The following MDGA2 variants were observed in gnomAD, a reference collection of about 807,000 sequenced individuals.
MDGA2 encodes MAM domain containing glycosylphosphatidylinositol anchor 2.
In MDGA2, 40 loss-of-function variants were observed where a neutral mutation model predicts 117.8. The ratio of observed to expected loss-of-function variants is 0.34; its 90% CI spans 0.26 to 0.44. The LOEUF (loss-of-function observed/expected upper bound fraction) is 0.44. Among genes scored for constraint, MDGA2 ranks in the 20% least tolerant of loss-of-function variants. The probability of loss-of-function intolerance (pLI) is 1.00; values close to 1 mark genes in which losing one functional copy is unlikely to be tolerated. For synonymous variants in MDGA2, 452 were observed against 439.0 expected (o/e 1.03, Z -0.37); for missense variants, 1,123 against 1,250.6 (o/e 0.90, Z 1.54).
chr14:47,171,450 C>G (rs1186936487), intron 3 of MDGA2, among the ~76,000 whole-genome samples: 3 of 152,072 alleles, frequency 2.0e-5, no homozygotes, highest in Non-Finnish European at 4.4e-5. Context: ...AAAAACTAAC[C>G]AAGGAAGAGG....
intron 8 of MDGA2, among the ~76,000 whole-genome samples, chr14:46,997,832 T>G (rs961062562): frequency 2.6e-5 from 4 of 152,174 alleles, no homozygotes; most frequent in Non-Finnish European, 2.9e-5. Flanking sequence ...ATAAAATGTT[T>G]GTTAAATTTA....
chr14:46,960,949 TACACAC>T (rs57182570), intron 8 of MDGA2, among the ~76,000 whole-genome samples: 29,044 of 147,764 alleles, frequency 0.2, 3,225 homozygotes, highest in African/African-American at 0.3. Flanking sequence ...TATATATATA[TACACAC>T]ACACACACAC....
rs915540503 is a variant in MDGA2 at position 47,496,253 on chromosome 14, T to C, written c.280+178264A>G. On this transcript the variant is annotated intron_variant, in intron 1 of 16. Coordinates refer to ENST00000399232, the MANE Select transcript of MDGA2 (RefSeq NM_001113498.3). The stretch of plus-strand genomic sequence containing the variant: ...ATCCATATGCTTACAAAATTTTATT[T>C]ATTTTTACAGACAGAGTTTCATGCT... Among the ~76,000 whole-genome samples, 2 of 152,164 alleles carry C rather than the reference T, an allele frequency of 1.3e-5. 1 individual carries two copies. The highest frequency in any genetic ancestry group is 1.3e-4 in the Admixed American group (2 of 15,266).
At chr14:47,171,345 T>G (rs1884124494) in intron 3 of MDGA2, among the ~76,000 whole-genome samples, 1 of 152,116 alleles carries the variant, frequency 6.6e-6, no homozygotes, top group African/African-American at 2.4e-5. Flanking sequence ...TAACTGAATA[T>G]GCCATAAAAA....
chr14:47,224,992 T>C (rs1056537689), intron 2 of MDGA2, among the ~76,000 whole-genome samples: 1 of 152,206 alleles, frequency 6.6e-6, no homozygotes, highest in Admixed American at 6.5e-5. Context: ...TCTACAATAA[T>C]TATAGCAATA....
chr14:47,584,052 C>G (rs1896276996), intron 1 of MDGA2, among the ~76,000 whole-genome samples: 1 of 151,746 alleles, frequency 6.6e-6, no homozygotes, highest in Non-Finnish European at 1.5e-5. Context: ...AGTTATCCCT[C>G]TGATGACAAT....
chr14:46,866,273 G>C (rs978485070), intron 14 of MDGA2, among the ~76,000 whole-genome samples: 10 of 151,942 alleles, frequency 6.6e-5, no homozygotes, highest in African/African-American at 1.2e-4. Context: ...ACAAACCTGA[G>C]AAAAACAAGC....
intron 8 of MDGA2, among the ~76,000 whole-genome samples, chr14:47,007,092 G>C (rs927764237): frequency 4.0e-5 from 6 of 151,698 alleles, no homozygotes; most frequent in African/African-American, 1.5e-4. Flanking sequence ...CATCCATGGA[G>C]GATACATTGA....
chr14:46,937,974 T>A (rs1453234618), intron 9 of MDGA2, among the ~76,000 whole-genome samples: 1 of 152,030 alleles, frequency 6.6e-6, no homozygotes, highest in African/African-American at 2.4e-5. Flanking sequence ...ACCAAAAAGC[T>A]TGTGAACATC....
chr14:47,628,248 T>C (rs1375565248), intron 1 of MDGA2, among the ~76,000 whole-genome samples: 1 of 152,222 alleles, frequency 6.6e-6, no homozygotes, highest in Admixed American at 6.5e-5. Context: ...TTGCATGGCA[T>C]ATTTTGCTTT....
intron 2 of MDGA2, among the ~76,000 whole-genome samples, chr14:47,278,793 C>A (rs902565851): frequency 1.3e-5 from 2 of 152,004 alleles, no homozygotes; most frequent in Admixed American, 6.6e-5. Context: ...ATCCCCTGTC[C>A]CCTACATTAT....
intron 1 of MDGA2, among the ~76,000 whole-genome samples, chr14:47,455,932 G>A (rs1298142774): frequency 6.6e-6 from 1 of 152,048 alleles, no homozygotes; most frequent in Non-Finnish European, 1.5e-5. Context: ...GGGAAGTGGA[G>A]GCTGCAGTGA....
At chr14:47,368,812 T>A (rs2416057) in intron 1 of MDGA2, among the ~76,000 whole-genome samples, 1 of 152,094 alleles carries the variant, frequency 6.6e-6, no homozygotes, top group Non-Finnish European at 1.5e-5. Flanking sequence ...AACATATGCT[T>A]GGAGAAAAGT....
chr14:46,981,761 T>A (rs1047810449), intron 8 of MDGA2, among the ~76,000 whole-genome samples: 2 of 152,082 alleles, frequency 1.3e-5, no homozygotes, highest in Non-Finnish European at 2.9e-5. Flanking sequence ...GTCGAGAAAA[T>A]TGTGAGAAGG....
chr14:47,247,080 T>A lies in MDGA2; in HGVS notation c.421-28885A>T, dbSNP rs41346145. ...ACTTTCTACCATGTAATGTTAAGGC[T>A]ATACTTCAGGCTGTATCTTAACCAG... On this transcript the variant is annotated intron_variant, in intron 2 of 16. Coordinates refer to ENST00000399232, the MANE Select transcript of MDGA2 (RefSeq NM_001113498.3). 2.5e-3 allele frequency among the ~76,000 whole-genome samples: 373 copies of A among 151,968 alleles called. 3 individuals are homozygous for A. The highest frequency in any genetic ancestry group is 8.7e-3 in the African/African-American group (360 of 41,536).
At chr14:47,397,234 A>G (rs1051915750) in intron 1 of MDGA2, among the ~76,000 whole-genome samples, 22 of 152,222 alleles carry the variant, frequency 1.4e-4, no homozygotes, top group African/African-American at 5.3e-4. Flanking sequence ...GCAAGGACAG[A>G]AAACCAAACA....
At chr14:47,129,145 G>A (rs868793602) in intron 5 of MDGA2, among the ~76,000 whole-genome samples, 8 of 150,264 alleles carry the variant, frequency 5.3e-5, no homozygotes, top group African/African-American at 1.7e-4. Flanking sequence ...TGCACAATGT[G>A]CAGGTTAGTT....
intron 3 of MDGA2, among the ~76,000 whole-genome samples, chr14:47,152,173 T>C (rs1365395999): frequency 6.6e-6 from 1 of 152,114 alleles, no homozygotes; most frequent in Non-Finnish European, 1.5e-5. Context: ...CCAAAAGAAT[T>C]TGTGGTATGA....
chr14:47,587,479 T>G (rs1896347327), intron 1 of MDGA2, among the ~76,000 whole-genome samples: 1 of 151,918 alleles, frequency 6.6e-6, no homozygotes, highest in Admixed American at 6.6e-5. Context: ...TCTGACACTG[T>G]GTCTCCCAAA....
Sources: allele counts gnomAD v4.1 joint callset (sites outside exome capture counted in the v4.1 genomes callset), GRCh38; gene constraint gnomAD v4.1.1; transcripts MANE v1.5; gene names NCBI Gene and HGNC (gene_info 2026-07-23, HGNC 2026-07-21).